Variants in WFDC6 observed in about 807,000 individuals in gnomAD.
WFDC6 encodes WAP four-disulfide core domain 6, also known as WAP four-disulfide core domain protein 6.
WFDC6 carries 10 observed loss-of-function variants against 8.2 expected under a neutral mutation model. That is an observed-to-expected ratio of 1.22 (90% CI 0.75 to 2.07). The LOEUF is 2.07. WFDC6 is among the 30% of genes most tolerant of loss of function. WFDC6 has a pLI of 0.00. For missense variants in WFDC6, 105 were observed against 104.9 expected (o/e 1.00, Z 0.00); for synonymous variants, 28 against 37.0 (o/e 0.76, Z 0.88).
In WFDC6 at chr20:45,534,642, G is replaced by A. The variant is rs369782584; in HGVS notation, c.223-137C>T. 3.5e-5 allele frequency: 35 copies of A among 1,013,028 alleles called. No individual in the cohort carries two copies. In the African/African-American group the frequency reaches 5.3e-4, roughly 15 times the overall value. 62.8% of individuals were successfully genotyped at this position (1,013,028 alleles called of 1,614,324 possible). A position where few individuals can be genotyped will look rare whatever the true frequency, so the allele number is the denominator to read the frequency against. On this transcript the variant is annotated intron_variant, in intron 2 of 2. Coordinates refer to ENST00000372670, the MANE Select transcript of WFDC6 (RefSeq NM_080827.2). Reference sequence around the variant, plus strand: ...GGAATGGAATGAAGGTGAGTTTGGGGGCTCCTAGAATGATCATGAGTTCTG... The same window carrying A: ...GGAATGGAATGAAGGTGAGTTTGGGAGCTCCTAGAATGATCATGAGTTCTG...
At chr20:45,535,316 C>CA in intron 2 of WFDC6, 1 of 1,303,592 alleles carries the variant, frequency 7.7e-7, no homozygotes. Context: ...CCTCCTGTGG[C>CA]ATACTGCATA....
intron 2 of WFDC6, chr20:45,535,305 GCCT>G (rs1292482840): frequency 7.7e-7 from 1 of 1,303,952 alleles, no homozygotes; most frequent in East Asian, 5.5e-5. Flanking sequence ...GCAGGGGCCA[GCCT>G]CCTGTGGCAT....
intron 2 of WFDC6, chr20:45,536,765 T>C (rs1039441469): frequency 2.6e-5 from 4 of 152,268 alleles, no homozygotes; most frequent in African/African-American, 9.6e-5. Context: ...GTGACAAACT[T>C]TAACCCAAAG....
intron 1 of WFDC6, 132 bp downstream of exon 1, chr20:45,539,184 CT>C: frequency 1.2e-6 from 1 of 837,182 alleles, no homozygotes; most frequent in South Asian, 1.6e-5. Flanking sequence ...CTTCAAATAG[CT>C]CCCCTCTTTC....
At chr20:45,537,877 A>G (rs1979426267) in intron 2 of WFDC6, 87 bp downstream of exon 2, 4 of 1,593,702 alleles carry the variant, frequency 2.5e-6, no homozygotes, top group East Asian at 2.2e-5. Context: ...GAGACCAGCC[A>G]TCAGTGAACT....
chr20:45,537,653 G>A (rs1211036555), intron 2 of WFDC6: 6 of 1,276,126 alleles, frequency 4.7e-6, no homozygotes, highest in Non-Finnish European at 6.7e-6. Flanking sequence ...GTGACTACTT[G>A]GCATCTCGAG....
At position 45,538,021 on chromosome 20, in the gene WFDC6, T is replaced by C. The variant is rs758477703; in HGVS notation, c.165A>G (p.Pro55=). ...TGAACGGGCAACACTTCATGTTTTC[T>C]GGGCAATCTCTGGGTTTGGTACACT... ...IDQCTKPRDC[P]ENMKCCPFSR... Residue 55 remains proline, a synonymous_variant, in exon 2 of 3, where the codon CCA becomes CCG. Coordinates refer to ENST00000372670, the MANE Select transcript of WFDC6 (RefSeq NM_080827.2). 6.2e-7 allele frequency: 1 copy of C among 1,613,962 alleles called. No homozygotes were observed. Among genetic ancestry groups the C allele is most frequent in the African/African-American group, 1.3e-5 (1 of 74,922 alleles).
At position 45,534,273 on chromosome 20, in the gene WFDC6, T is replaced by C; in HGVS notation, c.*194A>G. The C allele has an allele frequency of 3.0e-6, 2 of 658,860 alleles. No individual in the cohort carries two copies. The highest frequency in any genetic ancestry group is 2.7e-5 in the Admixed American group (1 of 37,672). 40.8% of individuals were successfully genotyped at this position (658,860 alleles called of 1,614,324 possible). A position where few individuals can be genotyped will look rare whatever the true frequency, so the allele number is the denominator to read the frequency against. ...ATGGGGGGTCTGAAAGTTGAAGACATAGAGTTTCATACTGAGAAGTGGTCA... is the reference window on the plus strand; with the variant it reads ...ATGGGGGGTCTGAAAGTTGAAGACACAGAGTTTCATACTGAGAAGTGGTCA... On this transcript the variant is annotated 3_prime_UTR_variant, in exon 3 of 3. Coordinates refer to ENST00000372670, the MANE Select transcript of WFDC6 (RefSeq NM_080827.2).
At chr20:45,535,342 C>T (rs759599460) in intron 2 of WFDC6, 13 of 1,296,928 alleles carry the variant, frequency 1.0e-5, no homozygotes, top group South Asian at 2.5e-5. Flanking sequence ...GCAGGGAGAT[C>T]GCAGAATAGA....
rs527627956 is a variant in WFDC6, at chr20:45,535,425, A to G, written c.223-920T>C. The G allele has an allele frequency of 5.7e-5, 68 of 1,187,518 alleles. 1 individual carries two copies. The Admixed American group carries it at 2.2e-3, about 38-fold the overall frequency. The allele number at this position is 1,187,518 out of a possible 1,614,324, so 73.6% of individuals were successfully genotyped here. On this transcript the variant is annotated intron_variant, in intron 2 of 2. Transcript: ENST00000372670. ...TCTGGCCACCATTCCCTTTGTCTCCACTGAGAAGCAAATTTGCCTCAGGGC... is the reference window on the plus strand; with the variant it reads ...TCTGGCCACCATTCCCTTTGTCTCCGCTGAGAAGCAAATTTGCCTCAGGGC...
At position 45,534,451 on chromosome 20, in the gene WFDC6, A is replaced by G. The variant is rs1449082681; in HGVS notation, c.*16T>C. 1 of 1,613,884 alleles carries G rather than the reference A, an allele frequency of 6.2e-7. No homozygotes were observed. Among genetic ancestry groups the G allele is most frequent in the Non-Finnish European group, 8.5e-7 (1 of 1,179,884 alleles). ...CACGTGGAGAGAGGCCTGGATTATG[A>G]GCCAAATCCTGGAGGTTATTCAAGC... On this transcript the variant is annotated 3_prime_UTR_variant, in exon 3 of 3. Transcript: ENST00000372670.
intron 2 of WFDC6, chr20:45,535,378 A>C: frequency 1.6e-6 from 2 of 1,257,240 alleles, no homozygotes; most frequent in Admixed American, 2.7e-5. Flanking sequence ...GTCTCCCTGG[A>C]GAATGTCCAT....
Position 45,534,505 on chromosome 20 carries a change from C to T in WFDC6, c.223G>A (p.Val75Ile), listed in dbSNP as rs376379774. 3.1e-6 allele frequency: 5 copies of T among 1,613,824 alleles called. No homozygotes were observed. The African/African-American group carries it at 4.0e-5, about 13-fold the overall frequency. Reference protein sequence around the residue: ...RGKKCLDFRKVSLTLYHKEEL... With the variant: ...RGKKCLDFRKISLTLYHKEEL... ...TCCTTATGGTATAAAGTAAGGCTGA[C>T]CTGTGAAGCAGAAGAATAAAGGGTG... The change falls in exon 3 of 3, where the codon GTC becomes ATC. Residue 75 changes from valine to isoleucine, a missense_variant and splice_region_variant. By Grantham distance (29) the Val-to-Ile change is conservative (BLOSUM62 3). Coordinates refer to ENST00000372670, the MANE Select transcript of WFDC6 (RefSeq NM_080827.2).
chr20:45,535,362 G>A (rs1369071287), intron 2 of WFDC6: 3 of 1,273,428 alleles, frequency 2.4e-6, no homozygotes, highest in Admixed American at 5.0e-5. Context: ...AGCTGTTTGG[G>A]TGCCTGTCTC....
At position 45,538,007 on chromosome 20, in the gene WFDC6, C is replaced by G. The variant is rs141960100; in HGVS notation, c.179G>C (p.Cys60Ser). Residue 60 changes from cysteine to serine, a missense_variant, in exon 2 of 3, where the codon TGT (cysteine) becomes TCT (serine). Cys to Ser is a moderately radical substitution (Grantham distance 112). Coordinates refer to ENST00000372670, the MANE Select transcript of WFDC6 (RefSeq NM_080827.2). ...KPRDCPENMK[C>S]CPFSRGKKCL... is the part of the protein sequence containing the mutation. ...TTTCTTTCCACGGCTGAACGGGCAA[C>G]ACTTCATGTTTTCTGGGCAATCTCT... The G allele has an allele frequency of 2.5e-6, 4 of 1,614,004 alleles. No homozygotes were observed. Among genetic ancestry groups the G allele is most frequent in the Non-Finnish European group, 3.4e-6 (4 of 1,179,928 alleles).
At chr20:45,537,615 C>T (rs2145543636) in intron 2 of WFDC6, 1 of 1,491,072 alleles carries the variant, frequency 6.7e-7, no homozygotes, top group Admixed American at 2.0e-5. Flanking sequence ...TATAACCTGA[C>T]ACAATGTTGG....
chr20:45,539,155 G>A (rs1320566175), intron 1 of WFDC6, among the ~76,000 whole-genome samples, 162 bp downstream of exon 1: 1 of 152,088 alleles, frequency 6.6e-6, no homozygotes, highest in Non-Finnish European at 1.5e-5. Flanking sequence ...ATTCACCAAG[G>A]GAGTCTCTTA....
chr20:45,538,118 C>T, intron 1 of WFDC6, 24 bp from the exon 2 acceptor site: 1 of 1,613,700 alleles, frequency 6.2e-7, no homozygotes, highest in Non-Finnish European at 8.5e-7. Context: ...AGATATATTC[C>T]CTCAAGGCCT....
rs1979488426 is a variant in WFDC6, at chr20:45,539,184, C to T, written c.91+133G>A. The T allele has an allele frequency of 7.2e-6, 6 of 837,182 alleles. No individual in the cohort carries two copies. In the South Asian group the frequency reaches 8.2e-5, roughly 12 times the overall value. 51.9% of individuals were successfully genotyped at this position (837,182 alleles called of 1,614,324 possible). On this transcript the variant is annotated intron_variant, in intron 1 of 2. Coordinates refer to ENST00000372670, the MANE Select transcript of WFDC6 (RefSeq NM_080827.2). Reference sequence around the variant, plus strand: ...TCTCTTACCAAGAGACTTCAAATAGCTCCCCTCTTTCCCACCTGGAATTCC... The same window carrying T: ...TCTCTTACCAAGAGACTTCAAATAGTTCCCCTCTTTCCCACCTGGAATTCC...
Sources: allele counts gnomAD v4.1 joint callset (sites outside exome capture counted in the v4.1 genomes callset), GRCh38; gene constraint gnomAD v4.1.1; transcripts MANE v1.5; gene names NCBI Gene and HGNC (gene_info 2026-07-23, HGNC 2026-07-21).